LUZP2: variants seen among roughly 807,000 people sequenced by gnomAD.
LUZP2 encodes leucine zipper protein 2.
A neutral mutation model predicts 51.6 loss-of-function variants in LUZP2; 52 were observed. That is an observed-to-expected ratio of 1.01 (90% CI 0.81 to 1.27). LUZP2 has a LOEUF of 1.27. Ranked by LOEUF, LUZP2 falls within the 50% of genes most tolerant of loss-of-function variation. LUZP2 has a pLI of 0.00. For missense variants in LUZP2, 436 were observed against 395.4 expected (o/e 1.10, Z -0.87); for synonymous variants, 154 against 137.3 (o/e 1.12, Z -0.85).
intron 5 of LUZP2, among the ~76,000 whole-genome samples, chr11:24,872,528 T>C (rs937830099): frequency 3.3e-5 from 5 of 152,172 alleles, no homozygotes; most frequent in Non-Finnish European, 5.9e-5. Flanking sequence ...TAATTACCTA[T>C]CACTTCTTCA....
chr11:24,715,232 C>A (rs1174858231), intron 1 of LUZP2, among the ~76,000 whole-genome samples: 1 of 148,180 alleles, frequency 6.7e-6, no homozygotes, highest in Non-Finnish European at 1.5e-5. Flanking sequence ...TGAGCATCTG[C>A]AGATTATGGT....
intron 5 of LUZP2, among the ~76,000 whole-genome samples, chr11:24,888,412 G>T (rs1852738309): frequency 1.3e-5 from 2 of 151,240 alleles, no homozygotes; most frequent in South Asian, 2.1e-4. Context: ...ACAGCCAAAA[G>T]TTTTTTTTTG....
intron 5 of LUZP2, among the ~76,000 whole-genome samples, chr11:24,894,417 CA>C (rs1417505725): frequency 6.6e-6 from 1 of 152,128 alleles, no homozygotes; most frequent in African/African-American, 2.4e-5. Flanking sequence ...TCAAGTGATT[CA>C]CCCGCCTCGG....
chr11:24,710,558 A>G (rs971003451), intron 1 of LUZP2, among the ~76,000 whole-genome samples: 14 of 152,204 alleles, frequency 9.2e-5, no homozygotes, highest in Non-Finnish European at 1.6e-4. Context: ...ATGGTCTCAC[A>G]TTCTGTGCCA....
chr11:24,750,410 G>T (rs748013951), intron 4 of LUZP2, among the ~76,000 whole-genome samples: 1 of 152,148 alleles, frequency 6.6e-6, no homozygotes, highest in Non-Finnish European at 1.5e-5. Flanking sequence ...AAAGAAGAAT[G>T]AACACAATTT....
chr11:24,513,939 G>T (rs73429127), intron 1 of LUZP2, among the ~76,000 whole-genome samples: 2 of 152,152 alleles, frequency 1.3e-5, no homozygotes, highest in African/African-American at 4.8e-5. Context: ...AGCATGGAAC[G>T]GATTTAATGT....
intron 5 of LUZP2, among the ~76,000 whole-genome samples, chr11:24,771,834 A>G (rs746317011): frequency 5.9e-5 from 9 of 152,132 alleles, no homozygotes; most frequent in Non-Finnish European, 1.2e-4. Flanking sequence ...GTTACCCTGC[A>G]CAAGCTCTTC....
intron 7 of LUZP2, among the ~76,000 whole-genome samples, chr11:24,932,933 C>G (rs1854497258): frequency 6.6e-6 from 1 of 152,182 alleles, no homozygotes; most frequent in African/African-American, 2.4e-5. Flanking sequence ...TCCCCAAGGA[C>G]CCCTGTGAGA....
intron 5 of LUZP2, among the ~76,000 whole-genome samples, chr11:24,818,069 T>C (rs1237282133): frequency 6.6e-6 from 1 of 152,120 alleles, no homozygotes; most frequent in African/African-American, 2.4e-5. Flanking sequence ...CCAAGCTCTT[T>C]GAGTTGCAGC....
At chr11:24,927,708 C>T (rs898526206) in intron 7 of LUZP2, among the ~76,000 whole-genome samples, 1 of 151,856 alleles carries the variant, frequency 6.6e-6, no homozygotes, top group Admixed American at 6.6e-5. Context: ...CTTAGTCTGG[C>T]TTTGGCTATG....
chr11:24,520,210 A>G (rs1393525820), intron 1 of LUZP2, among the ~76,000 whole-genome samples: 1 of 151,842 alleles, frequency 6.6e-6, no homozygotes, highest in Non-Finnish European at 1.5e-5. Flanking sequence ...CAATGGAATT[A>G]TTACCAACAG....
chr11:24,947,969 T>C (rs1261129519), intron 7 of LUZP2, among the ~76,000 whole-genome samples: 1 of 151,896 alleles, frequency 6.6e-6, no homozygotes, highest in Non-Finnish European at 1.5e-5. Context: ...GTGAAGATTG[T>C]TGATCTTGTT....
At chr11:24,764,448 G>A (rs969507368) in intron 5 of LUZP2, among the ~76,000 whole-genome samples, 1 of 141,150 alleles carries the variant, frequency 7.1e-6, no homozygotes, top group African/African-American at 2.6e-5. Context: ...TTGAGCCCAG[G>A]AGTTTGAGAC....
At chr11:24,834,574 T>C (rs1213114982) in intron 5 of LUZP2, among the ~76,000 whole-genome samples, 1 of 152,226 alleles carries the variant, frequency 6.6e-6, no homozygotes, top group Non-Finnish European at 1.5e-5. Context: ...TGTGTCTTTA[T>C]AGTAGAATGA....
At chr11:24,833,703 C>CAT (rs67774356) in intron 5 of LUZP2, among the ~76,000 whole-genome samples, 322 of 13,308 alleles carry the variant, frequency 0.024, 1 homozygote, top group Middle Eastern at 0.056. Context: ...CGCCTGCCAC[C>CAT]GCGCGCGCGC....
intron 5 of LUZP2, among the ~76,000 whole-genome samples, chr11:24,879,690 A>G (rs1044458115): frequency 2.0e-5 from 3 of 151,780 alleles, no homozygotes; most frequent in Admixed American, 2.0e-4. Context: ...CTTTTTTTCC[A>G]TATGTTTGTT....
At chr11:24,932,217 G>T (rs941675236) in intron 7 of LUZP2, among the ~76,000 whole-genome samples, 5 of 152,166 alleles carry the variant, frequency 3.3e-5, no homozygotes, top group African/African-American at 1.2e-4. Flanking sequence ...TTATTACACT[G>T]GTTTTGTGTT....
chr11:24,742,648 T>C (rs1382330608), intron 4 of LUZP2, among the ~76,000 whole-genome samples: 2 of 152,126 alleles, frequency 1.3e-5, no homozygotes, highest in Non-Finnish European at 2.9e-5. Context: ...GTGTGTTGTC[T>C]GTTTACTCTG....
chr11:24,964,438 C>T (rs906832650), intron 7 of LUZP2, among the ~76,000 whole-genome samples: 3 of 152,094 alleles, frequency 2.0e-5, no homozygotes, highest in African/African-American at 7.2e-5. Context: ...CCCAGCCCAA[C>T]ATTAGTTAAG....
Sources: gnomAD v4.1 joint callset for allele counts (sites outside exome capture counted in the v4.1 genomes callset) on GRCh38, gnomAD v4.1.1 for gene constraint, MANE v1.5 for transcripts, NCBI Gene and HGNC (gene_info 2026-07-23, HGNC 2026-07-21) for gene names.